LTBP1: variants seen among roughly 807,000 people sequenced by gnomAD.
LTBP1 encodes the protein latent transforming growth factor beta binding protein 1.
In LTBP1, 129 loss-of-function variants were observed where a neutral mutation model predicts 207.6. The observed-to-expected ratio is 0.62, with a 90% CI of 0.54 to 0.72. LTBP1 has a LOEUF of 0.72. Ranked by LOEUF, LTBP1 falls within the 30% of genes least tolerant of loss-of-function variation. LTBP1 has a pLI of 0.00. For missense variants in LTBP1, 2,281 were observed against 2,217.2 expected, an observed-to-expected ratio of 1.03 and a Z score of -0.58; for synonymous variants, 963 against 833.7, an observed-to-expected ratio of 1.16 and a Z score of -2.67.
chr2:33,316,607 A>G (rs894995685), intron 24 of LTBP1, among the ~76,000 whole-genome samples: 1 of 152,138 alleles, frequency 6.6e-6, no homozygotes, highest in South Asian at 2.1e-4. Context: ...AAGGGATAGG[A>G]AGTTGGGAAA....
At chr2:32,967,683 TTA>T (rs1438290799) in intron 2 of LTBP1, among the ~76,000 whole-genome samples, 1 of 152,212 alleles carries the variant, frequency 6.6e-6, no homozygotes, top group Non-Finnish European at 1.5e-5. Flanking sequence ...AGAATGGATA[TTA>T]TATGATTTTT....
intron 3 of LTBP1, among the ~76,000 whole-genome samples, chr2:33,093,985 A>G (rs868541259): frequency 6.6e-6 from 1 of 152,234 alleles, no homozygotes; most frequent in Non-Finnish European, 1.5e-5. Context: ...TAAGTAATTT[A>G]ATGTGAAACT....
chr2:33,265,337 T>A (rs78055926), intron 15 of LTBP1, among the ~76,000 whole-genome samples: 2,222 of 152,322 alleles, frequency 0.015, 22 homozygotes, highest in East Asian at 0.025. Flanking sequence ...AGTAATTCTA[T>A]TTTAAGACAT....
chr2:33,073,922 T>C (rs2149780653), intron 3 of LTBP1, among the ~76,000 whole-genome samples: 1 of 152,182 alleles, frequency 6.6e-6, no homozygotes, highest in East Asian at 1.9e-4. Flanking sequence ...CCACTGTGAG[T>C]TTCCCATTTT....
intron 5 of LTBP1, among the ~76,000 whole-genome samples, chr2:33,162,334 T>G (rs992508138): frequency 2.0e-5 from 3 of 152,240 alleles, no homozygotes; most frequent in African/African-American, 7.2e-5. Flanking sequence ...ATTATTTTTC[T>G]TGTTTGCTTT....
chr2:33,207,157 A>G (rs1216590690), intron 7 of LTBP1, among the ~76,000 whole-genome samples: 1 of 152,210 alleles, frequency 6.6e-6, no homozygotes, highest in African/African-American at 2.4e-5. Context: ...TTTCTTTAGA[A>G]AAGATGTCAA....
chr2:33,081,820 C>G (rs757842309), intron 3 of LTBP1, among the ~76,000 whole-genome samples: 2 of 152,044 alleles, frequency 1.3e-5, no homozygotes, highest in Non-Finnish European at 2.9e-5. Flanking sequence ...ATACTGAGTT[C>G]TCACACCATC....
chr2:33,369,245 A>G (rs1434756757), intron 31 of LTBP1, among the ~76,000 whole-genome samples: 1 of 152,218 alleles, frequency 6.6e-6, no homozygotes, highest in Non-Finnish European at 1.5e-5. Context: ...TAGTTTGTAT[A>G]TCCACAGTTA....
chr2:33,119,001 A>G (rs928311894), intron 4 of LTBP1, among the ~76,000 whole-genome samples: 2 of 152,210 alleles, frequency 1.3e-5, no homozygotes, highest in Admixed American at 6.5e-5. Flanking sequence ...AGGATCATGT[A>G]GTTTAAATTC....
intron 3 of LTBP1, among the ~76,000 whole-genome samples, chr2:33,106,400 G>C (rs2080068772): frequency 6.6e-6 from 1 of 152,182 alleles, no homozygotes; most frequent in African/African-American, 2.4e-5. Flanking sequence ...TCCATCAGAG[G>C]AATCACTATC....
chr2:33,251,942 A>C (rs2092698305), intron 10 of LTBP1, among the ~76,000 whole-genome samples: 1 of 152,168 alleles, frequency 6.6e-6, no homozygotes, highest in Non-Finnish European at 1.5e-5. Context: ...CTAGCAGAGT[A>C]TTTAGCTGTT....
chr2:33,008,951 C>T (rs2149073570), intron 2 of LTBP1, among the ~76,000 whole-genome samples: 1 of 152,238 alleles, frequency 6.6e-6, no homozygotes, highest in East Asian at 1.9e-4. Context: ...GCAAGCAAGC[C>T]AGGGTGACCG....
chr2:33,302,594 C>T (rs2094006480), intron 22 of LTBP1, among the ~76,000 whole-genome samples: 1 of 152,142 alleles, frequency 6.6e-6, no homozygotes, highest in African/African-American at 2.4e-5. Flanking sequence ...AGCCCCATAT[C>T]CTCCTGCTGC....
In LTBP1 at chr2:33,187,086, C is replaced by T. The variant is rs748645847; in HGVS notation, c.1426+6C>T. The T allele has an allele frequency of 6.2e-7, 1 of 1,612,008 alleles. No individual in the cohort carries two copies. Among genetic ancestry groups the T allele is most frequent in the Non-Finnish European group, 8.5e-7 (1 of 1,178,288 alleles). ...TAGCCAGCAAGGAGTCAAAGGTAAG[C>T]TTTTTTCATTCCGCCCATTTGCCAG... On this transcript the variant is annotated splice_donor_region_variant and intron_variant, in intron 6 of 33. Transcript: ENST00000404816.
At chr2:33,180,649 G>T (rs1394740335) in intron 5 of LTBP1, among the ~76,000 whole-genome samples, 1 of 152,028 alleles carries the variant, frequency 6.6e-6, no homozygotes, top group African/African-American at 2.4e-5. Flanking sequence ...AGAGACGGGG[G>T]TATGCCTTGT....
intron 5 of LTBP1, among the ~76,000 whole-genome samples, chr2:33,180,516 A>T (rs577941166): frequency 6.7e-6 from 1 of 150,308 alleles, no homozygotes; most frequent in African/African-American, 2.5e-5. Flanking sequence ...CGGTGGTGCA[A>T]TCTCAGCTCA....
chr2:33,134,622 G>T lies in LTBP1; in HGVS notation c.1034-171G>T. 1 of 1,531,756 alleles carries T rather than the reference G, an allele frequency of 6.5e-7. No individual in the cohort carries two copies. The highest frequency in any genetic ancestry group is 8.8e-7 in the Non-Finnish European group (1 of 1,138,422). The allele number at this position is 1,531,756 out of a possible 1,614,324, so 94.9% of individuals were successfully genotyped here. On this transcript the variant is annotated intron_variant, in intron 4 of 33. Coordinates refer to ENST00000404816, the MANE Select transcript of LTBP1 (RefSeq NM_206943.4). This position sits in a 1 kb window ranked among gnomAD's most constrained non-coding sequence, Gnocchi z 4.4. Reference sequence around the variant, plus strand: ...GAGACACCACTGAATACAGAGCAGCGAGCACTGAAGGCTTCCCTCTTTCCT... The same window carrying T: ...GAGACACCACTGAATACAGAGCAGCTAGCACTGAAGGCTTCCCTCTTTCCT...
chr2:33,017,306 C>T (rs976749543), intron 2 of LTBP1, among the ~76,000 whole-genome samples: 1 of 152,140 alleles, frequency 6.6e-6, no homozygotes, highest in East Asian at 1.9e-4. Flanking sequence ...AAATATAAGT[C>T]CTCAGAAACT....
In LTBP1 at chr2:33,090,104, C is replaced by G. The variant is rs563159847; in HGVS notation, c.864-20478C>G. Among the ~76,000 whole-genome samples, 20 of 152,320 alleles carry G rather than the reference C, an allele frequency of 1.3e-4. No homozygotes were observed. The South Asian group carries it at 4.1e-3, about 32-fold the overall frequency. ...CATTTAAAAAGAGTTTCTGTTTTCT[C>G]TGGAAGAATATTATTAATTTCTGCA... On this transcript the variant is annotated intron_variant, in intron 3 of 33. Transcript: ENST00000404816.
Sources: gnomAD v4.1 joint callset for allele counts (sites outside exome capture counted in the v4.1 genomes callset) on GRCh38, gnomAD v4.1.1 for gene constraint, Gnocchi (gnomAD v3.1) non-coding constraint, MANE v1.5 for transcripts, NCBI Gene and HGNC (gene_info 2026-07-23, HGNC 2026-07-21) for gene names.